The following FOXP1 variants were observed in gnomAD, a reference collection of about 807,000 sequenced individuals.
The protein encoded by FOXP1 is forkhead box P1.
Under a neutral mutation model 98.2 loss-of-function variants are expected in FOXP1, and 15 were observed. That is an observed-to-expected ratio of 0.15 (90% CI 0.10 to 0.24). The LOEUF (loss-of-function observed/expected upper bound fraction) is 0.24. Ranked by LOEUF, FOXP1 falls within the 10% of genes least tolerant of loss-of-function variation. FOXP1 has a pLI of 1.00. For synonymous variants in FOXP1, 371 were observed against 314.5 expected (o/e 1.18, Z -1.90); for missense variants, 633 against 848.5 (o/e 0.75, Z 3.15).
intron 3 of FOXP1, among the ~76,000 whole-genome samples, chr3:71,459,070 C>T (rs2087773311): frequency 6.6e-6 from 1 of 152,126 alleles, no homozygotes; most frequent in South Asian, 2.1e-4. Flanking sequence ...TTTTCTTCCC[C>T]TGGAGAGACA....
chr3:71,384,536 C>A (rs1231021900), intron 3 of FOXP1, among the ~76,000 whole-genome samples: 4 of 152,164 alleles, frequency 2.6e-5, no homozygotes, highest in Non-Finnish European at 5.9e-5. Flanking sequence ...GTCAAAGTGA[C>A]CTCAGCTGAT....
At chr3:71,573,047 A>G (rs2047456138) in intron 2 of FOXP1, among the ~76,000 whole-genome samples, 1 of 152,164 alleles carries the variant, frequency 6.6e-6, no homozygotes, top group African/African-American at 2.4e-5. Flanking sequence ...TATAAAATCT[A>G]TTCATTTTCA....
At chr3:71,016,420 A>C (rs2044498975) in intron 11 of FOXP1, among the ~76,000 whole-genome samples, 1 of 152,158 alleles carries the variant, frequency 6.6e-6, no homozygotes, top group South Asian at 2.1e-4. Flanking sequence ...TCACCGATGA[A>C]CCATATTCTC....
intron 2 of FOXP1, among the ~76,000 whole-genome samples, chr3:71,550,669 T>C (rs981424630): frequency 2.0e-5 from 3 of 152,206 alleles, no homozygotes; most frequent in African/African-American, 7.2e-5. Context: ...GGATACCACT[T>C]ATGTGAACAA....
At chr3:71,568,769 C>T (rs2047109969) in intron 2 of FOXP1, among the ~76,000 whole-genome samples, 2 of 152,130 alleles carry the variant, frequency 1.3e-5, no homozygotes, top group South Asian at 4.1e-4. Context: ...GCCTCAGCCT[C>T]CCAAGTAGCT....
chr3:71,270,649 T>A (rs981649270), intron 5 of FOXP1, among the ~76,000 whole-genome samples: 3 of 152,240 alleles, frequency 2.0e-5, no homozygotes, highest in East Asian at 1.9e-4. Flanking sequence ...TGTAACCTGG[T>A]CTTAGCAGGG....
At chr3:71,506,405 C>T (rs1405815349) in intron 2 of FOXP1, among the ~76,000 whole-genome samples, 3 of 152,254 alleles carry the variant, frequency 2.0e-5, no homozygotes, top group African/African-American at 2.4e-5. Context: ...GTCTCCACGG[C>T]GGCGTATCTG....
chr3:70,993,611 A>G (rs1475283057), intron 13 of FOXP1, among the ~76,000 whole-genome samples: 1 of 152,264 alleles, frequency 6.6e-6, no homozygotes, highest in Non-Finnish European at 1.5e-5. Context: ...TGGATTTAGT[A>G]ATACCTTCTC....
chr3:71,530,257 C>A (rs1455367038), intron 2 of FOXP1, among the ~76,000 whole-genome samples: 1 of 152,102 alleles, frequency 6.6e-6, no homozygotes, highest in Non-Finnish European at 1.5e-5. Context: ...AATGTTGTCA[C>A]CTCGGGAGTG....
At chr3:71,125,304 C>T (rs966717787) in intron 6 of FOXP1, among the ~76,000 whole-genome samples, 1 of 152,080 alleles carries the variant, frequency 6.6e-6, no homozygotes, top group Non-Finnish European at 1.5e-5. Context: ...TGGATAGAAT[C>T]CCTTCACTGT....
intron 6 of FOXP1, among the ~76,000 whole-genome samples, chr3:71,169,590 T>C (rs2061547868): frequency 6.6e-6 from 1 of 152,066 alleles, no homozygotes. Flanking sequence ...CTGCACCTTT[T>C]ATCTTTCCTT....
chr3:71,266,725 C>T (rs2069705903), intron 5 of FOXP1, among the ~76,000 whole-genome samples: 1 of 152,154 alleles, frequency 6.6e-6, no homozygotes, highest in South Asian at 2.1e-4. Context: ...TAACCCTCAC[C>T]TTCCCCCTTT....
chr3:71,406,405 G>GTATGTATATATATATA lies in FOXP1; in HGVS notation c.-167-47162_-167-47161insTATATATATATACATA, dbSNP rs2082336447. Among the ~76,000 whole-genome samples the GTATGTATATATATATA allele has an allele frequency of 7.6e-5, 8 of 105,944 alleles. 1 individual carries two copies. The highest frequency in any genetic ancestry group is 1.8e-4 in the Non-Finnish European group (8 of 44,962). 69.5% of individuals were successfully genotyped at this position (105,944 alleles called of 152,430 possible). A position where few individuals can be genotyped will look rare whatever the true frequency, so the allele number is the denominator to read the frequency against. The stretch of plus-strand genomic sequence containing the variant: ...TAATTGACACATAATAACTGTATGT[G>GTATGTATATATATATA]TATATATATATATATATATGGTACA... On this transcript the variant is annotated intron_variant, in intron 3 of 20. Transcript: ENST00000649528.
intron 19 of FOXP1, 159 bp downstream of exon 19, chr3:70,970,577 A>T: frequency 2.8e-6 from 2 of 713,156 alleles, no homozygotes; most frequent in South Asian, 1.5e-5. Flanking sequence ...AAGCAGCCCG[A>T]TGTGTTTGCC....
intron 7 of FOXP1, among the ~76,000 whole-genome samples, chr3:71,088,122 GTC>G (rs1024248127): frequency 2.6e-5 from 4 of 152,202 alleles, no homozygotes; most frequent in African/African-American, 9.6e-5. Context: ...AATAGATGGA[GTC>G]TCTGGAAATT....
chr3:71,385,688 A>G (rs770663163), intron 3 of FOXP1, among the ~76,000 whole-genome samples: 4 of 152,224 alleles, frequency 2.6e-5, no homozygotes, highest in African/African-American at 4.8e-5. Flanking sequence ...ACAAACATGA[A>G]TATGTATAGG....
intron 3 of FOXP1, among the ~76,000 whole-genome samples, chr3:71,362,252 A>T (rs553036993): frequency 3.2e-4 from 48 of 152,020 alleles, no homozygotes; most frequent in Non-Finnish European, 6.8e-4. Context: ...GCTCACTGCA[A>T]CCTCCACCTC....
intron 6 of FOXP1, among the ~76,000 whole-genome samples, chr3:71,144,123 G>T (rs1239922688): frequency 6.6e-6 from 1 of 152,126 alleles, no homozygotes; most frequent in Non-Finnish European, 1.5e-5. Context: ...CAGCAAAGAC[G>T]ATTCCCCTGC....
At chr3:71,081,240 T>C (rs1356112508) in intron 7 of FOXP1, among the ~76,000 whole-genome samples, 1 of 152,146 alleles carries the variant, frequency 6.6e-6, no homozygotes, top group Non-Finnish European at 1.5e-5. Context: ...AAAACTGAAA[T>C]GGCCCAAGGT....
Sources: allele counts gnomAD v4.1 joint callset (sites outside exome capture counted in the v4.1 genomes callset), GRCh38; gene constraint gnomAD v4.1.1; transcripts MANE v1.5; gene names NCBI Gene and HGNC (gene_info 2026-07-23, HGNC 2026-07-21).